Variants in PRKG1 observed in about 807,000 individuals in gnomAD.
PRKG1 encodes cGMP-dependent protein kinase 1.
In PRKG1, 35 loss-of-function variants were observed where a neutral mutation model predicts 88.1. The ratio of observed to expected loss-of-function variants is 0.40; its 90% CI spans 0.30 to 0.53. The LOEUF (loss-of-function observed/expected upper bound fraction) is 0.53, where lower values mean the gene tolerates loss of function less well. Ranked by LOEUF, PRKG1 falls within the 20% of genes least tolerant of loss-of-function variation. PRKG1 has a pLI of 0.59. For missense variants in PRKG1, 540 were observed against 839.8 expected (o/e 0.64, Z 4.41); for synonymous variants, 303 against 292.5 (o/e 1.04, Z -0.37).
chr10:51,328,086 T>C (rs1255556121), intron 2 of PRKG1, among the ~76,000 whole-genome samples: 10 of 152,204 alleles, frequency 6.6e-5, no homozygotes. Context: ...CCTACATTAC[T>C]GAAATTTTGT....
intron 3 of PRKG1, among the ~76,000 whole-genome samples, chr10:51,654,857 A>T (rs1373685679): frequency 6.6e-6 from 1 of 152,190 alleles, no homozygotes; most frequent in Non-Finnish European, 1.5e-5. Context: ...CATTTTAAGC[A>T]TGAGGAAGCT....
At chr10:51,796,416 C>T (rs1839012645) in intron 3 of PRKG1, among the ~76,000 whole-genome samples, 1 of 151,974 alleles carries the variant, frequency 6.6e-6, no homozygotes, top group Non-Finnish European at 1.5e-5. Context: ...ATTTTACATA[C>T]TTTTTTCATA....
chr10:51,073,093 A>G (rs1339862579), upstream of PRKG1, among the ~76,000 whole-genome samples: 2 of 152,210 alleles, frequency 1.3e-5, no homozygotes, highest in African/African-American at 4.8e-5. Flanking sequence ...TAATGTCTTA[A>G]GCAAATATTA....
chr10:51,209,656 GC>G (rs1220470638), intron 2 of PRKG1, among the ~76,000 whole-genome samples: 1 of 151,938 alleles, frequency 6.6e-6, no homozygotes, highest in Non-Finnish European at 1.5e-5. Flanking sequence ...GCTGCATTTT[GC>G]CATTTTACTA....
intron 4 of PRKG1, among the ~76,000 whole-genome samples, chr10:51,894,400 G>A (rs531711123): frequency 5.3e-5 from 8 of 152,214 alleles, no homozygotes; most frequent in African/African-American, 1.7e-4. Context: ...TGGTTGACAG[G>A]GGCTAGTTAT....
chr10:51,931,935 G>T (rs1182340523), intron 5 of PRKG1, among the ~76,000 whole-genome samples: 1 of 152,140 alleles, frequency 6.6e-6, no homozygotes, highest in Non-Finnish European at 1.5e-5. Context: ...TTAAAAAGGA[G>T]AGAAATGTTA....
intron 2 of PRKG1, chr10:51,302,723 C>G (rs1840925333): frequency 6.6e-6 from 1 of 152,010 alleles, no homozygotes; most frequent in Admixed American, 6.5e-5. Flanking sequence ...ATTTCATTAC[C>G]TAACAAACAC....
rs568370568 is a variant in PRKG1 at position 51,450,468 on chromosome 10, A to C, written c.479-17255A>C. 3.9e-5 allele frequency among the ~76,000 whole-genome samples: 6 copies of C among 152,092 alleles called. No individual in the cohort carries two copies. The South Asian group carries it at 1.2e-3, about 32-fold the overall frequency. On this transcript the variant is annotated intron_variant, in intron 2 of 17. Transcript: ENST00000373980. ...AACCGTACGGCCAGGGAGCCAATTA[A>C]AGTTAGCTGGCAAGTAATGAGATGG... is the stretch of plus-strand genomic sequence containing the variant.
intron 5 of PRKG1, among the ~76,000 whole-genome samples, chr10:51,968,154 C>G (rs1843618288): frequency 6.6e-6 from 1 of 152,152 alleles, no homozygotes; most frequent in Admixed American, 6.5e-5. Flanking sequence ...GTTAGAGATG[C>G]AGATCTTGCC....
chr10:51,074,855 C>T lies in PRKG1; in HGVS notation c.265C>T (p.Gln89Ter). The T allele has an allele frequency of 6.2e-7, 1 of 1,613,454 alleles. No individual in the cohort carries two copies. Among genetic ancestry groups the T allele is most frequent in the Non-Finnish European group, 8.5e-7 (1 of 1,179,622 alleles). ...ISAEPTAFDI[Q>*]DLSHVTLPFY... is the part of the protein sequence containing the mutation. ...CGCCGAGCCCACCGCCTTCGACATC[C>T]AGGATCTCAGCCATGTGACCCTGCC... Residue 89 changes from glutamine (Q) to a stop codon, truncating the protein, a stop_gained, in exon 1 of 18, where the codon CAG becomes TAG. Transcript: ENST00000373980. LOFTEE classifies it high-confidence loss of function.
chr10:51,492,098 T>C (rs1210270216), intron 3 of PRKG1, among the ~76,000 whole-genome samples: 1 of 152,136 alleles, frequency 6.6e-6, no homozygotes, highest in African/African-American at 2.4e-5. Context: ...CTCGTTTTGC[T>C]CAACCATGAT....
intron 1 of PRKG1, among the ~76,000 whole-genome samples, chr10:51,093,068 TTTTG>T (rs1333429818): frequency 1.3e-5 from 2 of 152,166 alleles, no homozygotes; most frequent in Non-Finnish European, 2.9e-5. Flanking sequence ...TTTCCTTGTG[TTTTG>T]TTTGTTTGCA....
At chr10:51,181,474 C>T (rs574658426) in intron 2 of PRKG1, among the ~76,000 whole-genome samples, 1 of 151,496 alleles carries the variant, frequency 6.6e-6, no homozygotes, top group African/African-American at 2.4e-5. Flanking sequence ...ATCTCCTGAC[C>T]TCATGATCCA....
chr10:51,569,328 G>A (rs1837687565), intron 3 of PRKG1, among the ~76,000 whole-genome samples: 2 of 151,974 alleles, frequency 1.3e-5, no homozygotes, highest in Non-Finnish European at 1.5e-5. Context: ...AAATATTGAT[G>A]GGTTTGATAC....
intron 3 of PRKG1, among the ~76,000 whole-genome samples, chr10:51,694,867 G>A (rs1033287143): frequency 1.3e-5 from 2 of 152,148 alleles, no homozygotes; most frequent in African/African-American, 2.4e-5. Flanking sequence ...ATCAATATTG[G>A]AATGTTCAAT....
chr10:51,874,555 A>G (rs1365053372), intron 4 of PRKG1, among the ~76,000 whole-genome samples: 1 of 152,200 alleles, frequency 6.6e-6, no homozygotes, highest in Non-Finnish European at 1.5e-5. Context: ...TTTTTAAAGC[A>G]CGAATATGCC....
intron 4 of PRKG1, among the ~76,000 whole-genome samples, chr10:51,811,100 A>G (rs1264001195): frequency 2.0e-5 from 3 of 152,072 alleles, no homozygotes; most frequent in Non-Finnish European, 4.4e-5. Context: ...TTAGACTAAA[A>G]CTCAGGTTTC....
intron 5 of PRKG1, among the ~76,000 whole-genome samples, chr10:51,960,358 G>A (rs1455312582): frequency 1.3e-5 from 2 of 151,850 alleles, no homozygotes; most frequent in Non-Finnish European, 1.5e-5. Context: ...AACAAGGTAT[G>A]AAGGAGGGAA....
At chr10:52,034,783 T>C (rs886964172) in intron 5 of PRKG1, among the ~76,000 whole-genome samples, 2 of 152,102 alleles carry the variant, frequency 1.3e-5, no homozygotes, top group Non-Finnish European at 2.9e-5. Context: ...TGACAAGTTT[T>C]TTGCGGCACA....
Sources: gnomAD v4.1 joint callset for allele counts (sites outside exome capture counted in the v4.1 genomes callset) on GRCh38, gnomAD v4.1.1 for gene constraint, MANE v1.5 for transcripts, NCBI Gene and HGNC (gene_info 2026-07-23, HGNC 2026-07-21) for gene names.